ARHGAP44: variants seen among roughly 807,000 people sequenced by gnomAD.
The protein encoded by ARHGAP44 is Rho GTPase activating protein 44, also known as rho GTPase-activating protein 44.
In ARHGAP44, 43 loss-of-function variants were observed where a neutral mutation model predicts 106.8. The observed-to-expected ratio is 0.40, with a 90% confidence interval of 0.32 to 0.52. ARHGAP44 has a LOEUF of 0.52. Among genes scored for constraint, ARHGAP44 ranks in the 20% least tolerant of loss-of-function variants. The probability of loss-of-function intolerance (pLI) is 0.48; values close to 1 mark genes in which losing one functional copy is unlikely to be tolerated. For synonymous variants in ARHGAP44, 439 were observed against 410.3 expected, an observed-to-expected ratio of 1.07 and a Z score of -0.85; for missense variants, 866 against 1,050.5, an observed-to-expected ratio of 0.82 and a Z score of 2.43.
chr17:12,793,703 A>G (rs1281803721), intron 1 of ARHGAP44, among the ~76,000 whole-genome samples: 4 of 150,816 alleles, frequency 2.7e-5, no homozygotes, highest in Admixed American at 2.6e-4. Flanking sequence ...GTGAGACTCC[A>G]TCTCACACAA....
At chr17:12,813,539 T>C (rs1334720274) in intron 1 of ARHGAP44, among the ~76,000 whole-genome samples, 2 of 152,174 alleles carry the variant, frequency 1.3e-5, no homozygotes, top group Non-Finnish European at 2.9e-5. Context: ...ATACATACAT[T>C]TCTATCTGCA....
At chr17:12,950,371 C>T (rs567602206) in intron 12 of ARHGAP44, among the ~76,000 whole-genome samples, 2 of 152,296 alleles carry the variant, frequency 1.3e-5, no homozygotes, top group African/African-American at 4.8e-5. Context: ...TCTCTCTCCC[C>T]TCCTGAAGAT....
chr17:12,798,018 C>T lies in ARHGAP44; in HGVS notation c.53+8127C>T, dbSNP rs146030964. ...CTTACTCTTTGTTGCTGGAATGTAGCGAAGTTGTTGATTTTTATGTAATTA... is the reference window on the plus strand; with the variant it reads ...CTTACTCTTTGTTGCTGGAATGTAGTGAAGTTGTTGATTTTTATGTAATTA... On this transcript the variant is annotated intron_variant, in intron 1 of 20. Transcript: ENST00000379672. Among the ~76,000 whole-genome samples the T allele has an allele frequency of 5.9e-5, 9 of 152,056 alleles. No homozygotes were observed. The East Asian group carries it at 1.4e-3, about 23-fold the overall frequency.
At chr17:12,799,111 AT>A (rs2034011570) in intron 1 of ARHGAP44, among the ~76,000 whole-genome samples, 1 of 152,122 alleles carries the variant, frequency 6.6e-6, no homozygotes, top group African/African-American at 2.4e-5. Flanking sequence ...AGCTATTTTC[AT>A]TTGGATTTCT....
chr17:12,924,696 A>T (rs2038183322), intron 6 of ARHGAP44, among the ~76,000 whole-genome samples: 1 of 152,168 alleles, frequency 6.6e-6, no homozygotes, highest in South Asian at 2.1e-4. Context: ...TTTCACTAGG[A>T]TTGGTGGCCT....
rs547747208 is a variant in ARHGAP44, at chr17:12,940,170, C to T, written c.583-886C>T. Among the ~76,000 whole-genome samples the T allele has an allele frequency of 1.3e-4, 20 of 152,298 alleles. No individual in the cohort carries two copies. The South Asian group carries it at 1.7e-3, about 13-fold the overall frequency. On this transcript the variant is annotated intron_variant, in intron 7 of 20. Coordinates refer to ENST00000379672, the MANE Select transcript of ARHGAP44 (RefSeq NM_014859.6). ...TGCCATGTTTGCCCCAACCTGAACA[C>T]GTAGGCTCTTCTCTCCTCAACTGAG...
At chr17:12,899,604 A>AAGGGAAGGTGGGGTGGG (rs2037313168) in intron 3 of ARHGAP44, among the ~76,000 whole-genome samples, 1 of 147,442 alleles carries the variant, frequency 6.8e-6, no homozygotes, top group Non-Finnish European at 1.5e-5. Context: ...GGATCAGGTA[A>AAGGGAAGGTGGGGTGGG]AGGGAAGGTG....
chr17:12,868,591 TTATATATATATATATATATATATATATA>T (rs1209692482), intron 1 of ARHGAP44, among the ~76,000 whole-genome samples: 9 of 47,142 alleles, frequency 1.9e-4, no homozygotes, highest in South Asian at 8.9e-4. Flanking sequence ...TATATGCATT[TTATATATATATATATATATATATATATA>T]TATATATATA....
intron 18 of ARHGAP44, among the ~76,000 whole-genome samples, chr17:12,976,495 C>T (rs889390223): frequency 5.9e-5 from 9 of 151,362 alleles, no homozygotes; most frequent in Non-Finnish European, 7.4e-5. Context: ...TGTCTATAGT[C>T]CCAGCTACTC....
chr17:12,930,735 A>C (rs1464621104), intron 7 of ARHGAP44, among the ~76,000 whole-genome samples: 1 of 152,246 alleles, frequency 6.6e-6, no homozygotes, highest in Non-Finnish European at 1.5e-5. Flanking sequence ...ATTGTGCCAA[A>C]AATGTATTCA....
intron 19 of ARHGAP44, 104 bp downstream of exon 19, chr17:12,980,337 G>T: frequency 7.9e-7 from 1 of 1,259,744 alleles, no homozygotes. Context: ...GAAACTGTGT[G>T]GTTTAGTGAC....
chr17:12,940,210 A>T (rs1308773757), intron 7 of ARHGAP44, among the ~76,000 whole-genome samples: 3 of 140,756 alleles, frequency 2.1e-5, no homozygotes, highest in East Asian at 4.2e-4. Flanking sequence ...TCTTCTAAGG[A>T]TCTGCAGCCT....
chr17:12,979,981 G>C (rs1598156924), intron 18 of ARHGAP44, 77 bp from the exon 19 acceptor site: 2 of 1,428,786 alleles, frequency 1.4e-6, no homozygotes, highest in Admixed American at 2.4e-5. Flanking sequence ...GGACACACAG[G>C]GTGGCCATCG....
intron 18 of ARHGAP44, 91 bp downstream of exon 18, chr17:12,974,401 G>T: frequency 9.2e-7 from 1 of 1,089,452 alleles, no homozygotes; most frequent in South Asian, 2.3e-5. Context: ...GGATTTCGTC[G>T]TTTCCCATGC....
chr17:12,893,870 AG>A (rs1298762075), intron 1 of ARHGAP44, among the ~76,000 whole-genome samples: 2 of 152,078 alleles, frequency 1.3e-5, no homozygotes, highest in African/African-American at 4.8e-5. Context: ...TTAAGCTCCA[AG>A]TCTGAGAAAT....
intron 4 of ARHGAP44, among the ~76,000 whole-genome samples, chr17:12,915,083 G>A (rs775097489): frequency 1.3e-5 from 2 of 152,154 alleles, no homozygotes; most frequent in South Asian, 2.1e-4. Flanking sequence ...CTGTCACCCC[G>A]GCTGGAGTGC....
chr17:12,834,396 C>G (rs1001575838), intron 1 of ARHGAP44, among the ~76,000 whole-genome samples: 1 of 152,174 alleles, frequency 6.6e-6, no homozygotes, highest in African/African-American at 2.4e-5. Flanking sequence ...TATTGGAAAG[C>G]TAGCCATAAC....
At chr17:12,976,230 C>T (rs1011684576) in intron 18 of ARHGAP44, among the ~76,000 whole-genome samples, 2 of 152,092 alleles carry the variant, frequency 1.3e-5, no homozygotes, top group Non-Finnish European at 1.5e-5. Flanking sequence ...ACCATCACCA[C>T]CAGCACACAA....
intron 6 of ARHGAP44, among the ~76,000 whole-genome samples, chr17:12,927,860 G>A (rs1310417506): frequency 6.6e-6 from 1 of 152,172 alleles, no homozygotes; most frequent in African/African-American, 2.4e-5. Flanking sequence ...TATATTTCCT[G>A]TCTCCATTAC....
Sources: gnomAD v4.1 joint callset for allele counts (sites outside exome capture counted in the v4.1 genomes callset) on GRCh38, gnomAD v4.1.1 for gene constraint, MANE v1.5 for transcripts, NCBI Gene and HGNC (gene_info 2026-07-23, HGNC 2026-07-21) for gene names.